RALGAPA1: variants seen among roughly 807,000 people sequenced by gnomAD.
The protein encoded by RALGAPA1 is Ral GTPase activating protein catalytic subunit alpha 1.
RALGAPA1 carries 52 observed loss-of-function variants against 269.6 expected under a neutral mutation model. The ratio of observed to expected loss-of-function variants is 0.19; its 90% CI spans 0.15 to 0.24. The LOEUF (loss-of-function observed/expected upper bound fraction) is 0.24, where lower values mean the gene tolerates loss of function less well. Ranked by LOEUF, RALGAPA1 falls within the 10% of genes least tolerant of loss-of-function variation. RALGAPA1 has a pLI of 1.00. For synonymous variants in RALGAPA1, 817 were observed against 1,008.3 expected, an observed-to-expected ratio of 0.81 and a Z score of 3.60; for missense variants, 1,917 against 3,013.9, an observed-to-expected ratio of 0.64 and a Z score of 8.52.
chr14:35,758,243 C>CAAAAAAA (rs66473514), intron 6 of RALGAPA1, among the ~76,000 whole-genome samples: 3 of 49,714 alleles, frequency 6.0e-5, no homozygotes, highest in Admixed American at 2.6e-4. Context: ...GACTCTGTCT[C>CAAAAAAA]AAAAAAAAAA....
intron 1 of RALGAPA1, 69 bp downstream of exon 1, chr14:35,808,661 C>G: frequency 6.6e-7 from 1 of 1,522,706 alleles, no homozygotes; most frequent in Non-Finnish European, 8.9e-7. Flanking sequence ...AGAGAGAGTC[C>G]GCAGGGGCTC....
At chr14:35,705,905 TTGAG>T (rs1315045917) in intron 16 of RALGAPA1, among the ~76,000 whole-genome samples, 1 of 152,226 alleles carries the variant, frequency 6.6e-6, no homozygotes, top group Non-Finnish European at 1.5e-5. Context: ...ACATACGATG[TTGAG>T]TATCTTTTCA....
rs538321395 is a variant in RALGAPA1, at chr14:35,704,255, C to T, written c.2267-3953G>A. Among the ~76,000 whole-genome samples, 4 of 152,262 alleles carry T rather than the reference C, an allele frequency of 2.6e-5. No homozygotes were observed. In the South Asian group the frequency reaches 8.3e-4, roughly 32 times the overall value. On this transcript the variant is annotated intron_variant, in intron 16 of 41. Transcript: ENST00000680220. ...AAATCATAAATGCAAGCAAGTTACACTGCTTATGAGTATGTTCAAAAATAA... is the reference window on the plus strand; with the variant it reads ...AAATCATAAATGCAAGCAAGTTACATTGCTTATGAGTATGTTCAAAAATAA...
At chr14:35,748,551 C>A (rs202102618) in intron 10 of RALGAPA1, 34 bp downstream of exon 10, 2 of 1,568,168 alleles carry the variant, frequency 1.3e-6, no homozygotes, top group African/African-American at 2.7e-5. Context: ...TAAAAGCCTT[C>A]CTTATAAATT....
chr14:35,662,475 C>T (rs2063606129), intron 27 of RALGAPA1, among the ~76,000 whole-genome samples: 1 of 152,140 alleles, frequency 6.6e-6, no homozygotes, highest in Admixed American at 6.5e-5. Flanking sequence ...ACAGTGATTA[C>T]TTTTTGCTTT....
intron 27 of RALGAPA1, among the ~76,000 whole-genome samples, chr14:35,661,817 A>C (rs1216352302): frequency 1.3e-5 from 2 of 152,200 alleles, no homozygotes; most frequent in Non-Finnish European, 2.9e-5. Context: ...GGCTGGAGAC[A>C]AGAAGTTAGC....
chr14:35,613,557 A>G (rs564794501), intron 35 of RALGAPA1, among the ~76,000 whole-genome samples: 6 of 152,342 alleles, frequency 3.9e-5, no homozygotes, highest in African/African-American at 1.4e-4. Flanking sequence ...CAAAGGTTCT[A>G]GGGGAGCATC....
At chr14:35,572,823 T>A (rs1348547661) in intron 37 of RALGAPA1, 105 bp from the exon 38 acceptor site, 2 of 745,326 alleles carry the variant, frequency 2.7e-6, no homozygotes, top group Admixed American at 3.0e-5. Context: ...AAAAAATTGT[T>A]AAATTGCACT....
At chr14:35,634,239 C>T (rs1180360374) in intron 33 of RALGAPA1, among the ~76,000 whole-genome samples, 1 of 152,038 alleles carries the variant, frequency 6.6e-6, no homozygotes, top group African/African-American at 2.4e-5. Flanking sequence ...TGGAGCATTT[C>T]AGATTTTGGA....
At chr14:35,748,889 T>A in intron 9 of RALGAPA1, 65 bp from the exon 10 acceptor site, 2 of 1,487,330 alleles carry the variant, frequency 1.3e-6, no homozygotes. Flanking sequence ...ATGTATTTTG[T>A]CTTTTAATAG....
chr14:35,570,470 G>A (rs912654964), intron 39 of RALGAPA1, 147 bp downstream of exon 39: 5 of 653,462 alleles, frequency 7.7e-6, no homozygotes, highest in African/African-American at 3.9e-5. Context: ...AGACAATCCC[G>A]GGAAACATAA....
chr14:35,794,351 C>T (rs2141835788), intron 1 of RALGAPA1, among the ~76,000 whole-genome samples: 2 of 152,202 alleles, frequency 1.3e-5, no homozygotes, highest in African/African-American at 4.8e-5. Context: ...TATGCACACA[C>T]ACACGCATAT....
At chr14:35,708,891 T>C (rs1367098342) in intron 16 of RALGAPA1, among the ~76,000 whole-genome samples, 1 of 152,194 alleles carries the variant, frequency 6.6e-6, no homozygotes. Flanking sequence ...GTGGTATATA[T>C]ACGCAATGAA....
chr14:35,612,947 G>A (rs189080744), intron 35 of RALGAPA1, among the ~76,000 whole-genome samples: 132 of 152,194 alleles, frequency 8.7e-4, no homozygotes, highest in Middle Eastern at 3.4e-3. Flanking sequence ...ATGCCATCAT[G>A]AAAGTGAAAT....
rs142456862 is a variant in RALGAPA1, at chr14:35,650,308, C to T, written c.5676+1497G>A. 1.8e-3 allele frequency among the ~76,000 whole-genome samples: 277 copies of T among 152,108 alleles called. 7 individuals are homozygous for T. The East Asian group carries it at 0.045, about 25-fold the overall frequency. On this transcript the variant is annotated intron_variant, in intron 31 of 41. Transcript: ENST00000680220. Reference sequence around the variant, plus strand: ...GCTGAAGCACGAGAACCGCTTGAACCTGGGAGGCAGAGGTTGCAGTGAGCC... The same window carrying T: ...GCTGAAGCACGAGAACCGCTTGAACTTGGGAGGCAGAGGTTGCAGTGAGCC...
At chr14:35,595,863 T>C in intron 36 of RALGAPA1, 74 bp from the exon 37 acceptor site, 1 of 1,264,976 alleles carries the variant, frequency 7.9e-7, no homozygotes, top group Non-Finnish European at 1.1e-6. Context: ...CTCAAACTTC[T>C]TGCTTAAGAA....
intron 35 of RALGAPA1, among the ~76,000 whole-genome samples, chr14:35,608,180 A>C (rs1464843586): frequency 6.6e-6 from 1 of 151,948 alleles, no homozygotes; most frequent in African/African-American, 2.4e-5. Flanking sequence ...CATGTGGGAC[A>C]AAAAAAACAT....
intron 10 of RALGAPA1, among the ~76,000 whole-genome samples, chr14:35,744,072 C>T (rs2071815461): frequency 2.0e-5 from 3 of 152,018 alleles, no homozygotes; most frequent in African/African-American, 7.2e-5. Flanking sequence ...TTTTTAGGTG[C>T]AAATAGAATT....
At chr14:35,659,734 T>C (rs1156916897) in intron 27 of RALGAPA1, among the ~76,000 whole-genome samples, 1 of 151,866 alleles carries the variant, frequency 6.6e-6, no homozygotes. Flanking sequence ...CTCAATAAAA[T>C]ACTAACAAAC....
Sources: allele counts gnomAD v4.1 joint callset (sites outside exome capture counted in the v4.1 genomes callset), GRCh38; gene constraint gnomAD v4.1.1; transcripts MANE v1.5; gene names NCBI Gene and HGNC (gene_info 2026-07-23, HGNC 2026-07-21).